The following MAGED1 variants were observed in gnomAD, a reference collection of about 807,000 sequenced individuals.
MAGED1 encodes the protein melanoma-associated antigen D1.
MAGED1 carries 3 observed loss-of-function variants against 54.1 expected under a neutral mutation model. The ratio of observed to expected loss-of-function variants is 0.06; its 90% confidence interval spans 0.03 to 0.14. The LOEUF (loss-of-function observed/expected upper bound fraction) is 0.14. Ranked by LOEUF, MAGED1 falls within the 10% of genes least tolerant of loss-of-function variation. MAGED1 has a pLI of 1.00. For synonymous variants in MAGED1, 217 were observed against 227.3 expected (o/e 0.95, Z 0.41); for missense variants, 485 against 623.4 (o/e 0.78, Z 2.36).
intron 1 of MAGED1, among the ~76,000 whole-genome samples, chrX:51,834,845 G>A (rs1194472595): frequency 1.8e-5 from 2 of 111,593 alleles, no homozygotes; most frequent in African/African-American, 6.5e-5. Flanking sequence ...CTCTGATTTG[G>A]AGACTATAAA....
intron 1 of MAGED1, among the ~76,000 whole-genome samples, chrX:51,845,981 G>A (rs1926674754): frequency 9.0e-6 from 1 of 110,507 alleles, no homozygotes; most frequent in African/African-American, 3.3e-5. Context: ...TTGTCATGTT[G>A]CCCAGGCTGG....
intron 1 of MAGED1, among the ~76,000 whole-genome samples, chrX:51,864,347 C>T (rs1363709681): frequency 9.0e-6 from 1 of 111,597 alleles, no homozygotes; most frequent in African/African-American, 3.3e-5. Flanking sequence ...ACTGTATATG[C>T]ATGGATTTGT....
chrX:51,896,761 C>T lies in MAGED1; in HGVS notation c.1106C>T (p.Pro369Leu), dbSNP rs1393627992. The change falls in exon 4 of 13, where the codon CCG becomes CTG. Residue 369 changes from proline to leucine, a missense_variant. Pro to Leu is a moderately conservative substitution (Grantham distance 98). Transcript: ENST00000326587. Reference protein sequence around the residue: ...PIVWPGPVVWPNPLAWQNPPG... With the variant: ...PIVWPGPVVWLNPLAWQNPPG... ...GTCTGGCCCGGCCCTGTTGTCTGGC[C>T]GAATCCACTGGCCTGGCAGAATCCA... is the stretch of plus-strand genomic sequence containing the variant. The T allele has an allele frequency of 1.2e-5, 14 of 1,209,779 alleles. No individual in the cohort carries two copies. Among genetic ancestry groups the T allele is most frequent in the Non-Finnish European group, 1.6e-5 (14 of 894,945 alleles).
At chrX:51,861,911 A>G (rs1413103132) in intron 1 of MAGED1, among the ~76,000 whole-genome samples, 1 of 111,573 alleles carries the variant, frequency 9.0e-6, no homozygotes, top group African/African-American at 3.3e-5. Context: ...CGAACTCCTG[A>G]CCTCAAGTGA....
In MAGED1 at chrX:51,822,710, C is replaced by G. The variant is rs150818059; in HGVS notation, c.-37+19593C>G. On this transcript the variant is annotated intron_variant, in intron 1 of 12. Transcript: ENST00000375772. ...GTCATGGTGTGGAGTTCTTTTTATA[C>G]GTGTCTGAATTTGGTTTGCTAGTAT... 9.1e-4 allele frequency among the ~76,000 whole-genome samples: 100 copies of G among 110,209 alleles called. 1 individual carries two copies. Among genetic ancestry groups the G allele is most frequent in the Admixed American group, 7.0e-3 (72 of 10,320 alleles).
chrX:51,817,439 G>A (rs782271551), intron 1 of MAGED1, among the ~76,000 whole-genome samples: 2 of 111,588 alleles, frequency 1.8e-5, no homozygotes, highest in East Asian at 2.8e-4. Context: ...GACTCCATCC[G>A]GTCTGTGACT....
At position 51,895,780 on chromosome X, in the gene MAGED1, C is replaced by T; in HGVS notation, c.753+20C>T. On this transcript the variant is annotated intron_variant, in intron 3 of 12. Coordinates refer to ENST00000326587, the MANE Select transcript of MAGED1 (RefSeq NM_006986.4). ...CGCAAGGTGAGATCTCTGCTAACTT[C>T]ATTTTGCTTTGGGGCTGTCTCCTTT... The T allele has an allele frequency of 8.9e-7, 1 of 1,120,452 alleles. No individual in the cohort carries two copies. Among genetic ancestry groups the T allele is most frequent in the Non-Finnish European group, 1.2e-6 (1 of 836,780 alleles). The allele number at this position is 1,120,452 out of a possible 1,213,427, so 92.3% of individuals were successfully genotyped here.
intron 1 of MAGED1, among the ~76,000 whole-genome samples, chrX:51,826,142 A>T (rs1557356948): frequency 8.9e-6 from 1 of 112,459 alleles, no homozygotes; most frequent in African/African-American, 3.2e-5. Flanking sequence ...TTAGTTCTGT[A>T]GATTTTGTTG....
At chrX:51,828,556 T>A (rs1159385125) in intron 1 of MAGED1, among the ~76,000 whole-genome samples, 4 of 110,679 alleles carry the variant, frequency 3.6e-5, no homozygotes, top group African/African-American at 1.3e-4. Flanking sequence ...AAACAAATCA[T>A]AAGTGCTAGA....
upstream of MAGED1, among the ~76,000 whole-genome samples, chrX:51,890,403 T>C (rs1928392234): frequency 8.9e-6 from 1 of 111,984 alleles, no homozygotes; most frequent in African/African-American, 3.2e-5. Flanking sequence ...ATAACACTTT[T>C]TCTGAGTTCT....
chrX:51,878,499 A>G (rs1557362227), intron 1 of MAGED1, among the ~76,000 whole-genome samples: 8 of 111,247 alleles, frequency 7.2e-5, no homozygotes. Flanking sequence ...GTTATTCATT[A>G]TTGTTAAATA....
intron 1 of MAGED1, among the ~76,000 whole-genome samples, chrX:51,868,911 C>G (rs1490259725): frequency 3.6e-5 from 4 of 111,482 alleles, no homozygotes; most frequent in Non-Finnish European, 7.5e-5. Context: ...TAATCACAGT[C>G]AATGAAAATG....
chrX:51,901,418 G>A, intron 11 of MAGED1, 135 bp from the exon 12 acceptor site: 1 of 550,085 alleles, frequency 1.8e-6, no homozygotes, highest in Non-Finnish European at 2.7e-6. Context: ...TCTTTTTAAA[G>A]GCTGAATAGT....
chrX:51,806,555 A>G (rs1392537191), intron 1 of MAGED1, among the ~76,000 whole-genome samples: 4 of 111,750 alleles, frequency 3.6e-5, no homozygotes, highest in South Asian at 3.8e-4. Flanking sequence ...GTATGAATGT[A>G]CCACAATGTA....
In MAGED1 at chrX:51,895,195, C is replaced by T. The variant is rs1354193576; in HGVS notation, c.188C>T (p.Ala63Val). 3 of 1,211,941 alleles carry T rather than the reference C, an allele frequency of 2.5e-6. No homozygotes were observed. The highest frequency in any genetic ancestry group is 3.3e-6 in the Non-Finnish European group (3 of 895,527). Residue 63 changes from alanine (A) to valine (V), a missense_variant, in exon 3 of 13, where the codon GCT becomes GTT. Transcript: ENST00000326587. The stretch of plus-strand genomic sequence containing the variant: ...CAGCCCCCAACTGCCAATGAGATGG[C>T]TGACATTCAGGTTTCAGCAGCTGCC... ...SSQPPTANEM[A>V]DIQVSAAAAR...
At chrX:51,827,245 G>GC (rs1295455181) in intron 1 of MAGED1, among the ~76,000 whole-genome samples, 9 of 106,786 alleles carry the variant, frequency 8.4e-5, no homozygotes, top group African/African-American at 3.1e-4. Context: ...GGACAACAGA[G>GC]CGAGTCCCTG....
Position 51,896,895 on chromosome X carries a change from C to A in MAGED1, c.1240C>A (p.Pro414Thr). 8.3e-7 allele frequency: 1 copy of A among 1,206,554 alleles called. No individual in the cohort carries two copies. Among genetic ancestry groups the A allele is most frequent in the African/African-American group, 1.7e-5 (1 of 57,721 alleles). ...WPLPPDWPLP[P>T]DWPLPTDWPL... ...GCTACCACCCGACTGGCCACTGCCACCTGATTGGCCACTTCCCACTGACTG... is the reference window on the plus strand; with the variant it reads ...GCTACCACCCGACTGGCCACTGCCAACTGATTGGCCACTTCCCACTGACTG... The change falls in exon 4 of 13, where the codon CCT (proline) becomes ACT (threonine). Residue 414 changes from proline (P) to threonine (T), a missense_variant. Physicochemically the swap from Pro to Thr is conservative, Grantham distance 38. Coordinates refer to ENST00000326587, the MANE Select transcript of MAGED1 (RefSeq NM_006986.4).
At chrX:51,811,830 T>C (rs1166388248) in intron 1 of MAGED1, among the ~76,000 whole-genome samples, 1 of 111,138 alleles carries the variant, frequency 9.0e-6, no homozygotes, top group African/African-American at 3.3e-5. Context: ...GAACGTCAGA[T>C]GTGATGGGAG....
At chrX:51,864,315 T>C (rs1353337432) in intron 1 of MAGED1, among the ~76,000 whole-genome samples, 1 of 111,593 alleles carries the variant, frequency 9.0e-6, no homozygotes, top group Non-Finnish European at 1.9e-5. Flanking sequence ...GTATTCTTGA[T>C]GCCTTTGTCA....
Sources: allele counts gnomAD v4.1 joint callset (sites outside exome capture counted in the v4.1 genomes callset), GRCh38; gene constraint gnomAD v4.1.1; transcripts MANE v1.5; gene names NCBI Gene and HGNC (gene_info 2026-07-23, HGNC 2026-07-21).